Variants in PIGK observed in about 807,000 individuals in gnomAD.
The protein encoded by PIGK is GPI-anchor transamidase.
A neutral mutation model predicts 50.6 loss-of-function variants in PIGK; 42 were observed. The ratio of observed to expected loss-of-function variants is 0.83; its 90% confidence interval spans 0.65 to 1.07. The LOEUF (loss-of-function observed/expected upper bound fraction) is 1.07, where lower values mean the gene tolerates loss of function less well. Among genes scored for constraint, PIGK ranks in the 50% least tolerant of loss-of-function variants. The pLI is 0.00. For synonymous variants in PIGK, 151 were observed against 156.0 expected (o/e 0.97, Z 0.24); for missense variants, 448 against 488.7 (o/e 0.92, Z 0.78).
intron 10 of PIGK, among the ~76,000 whole-genome samples, chr1:77,113,483 A>T (rs1653898811): frequency 6.6e-6 from 1 of 152,104 alleles, no homozygotes; most frequent in Non-Finnish European, 1.5e-5. Context: ...AGGTCCACTC[A>T]TAAGTTAATG....
chr1:77,215,369 G>A (rs1346882425), intron 1 of PIGK, among the ~76,000 whole-genome samples: 1 of 152,056 alleles, frequency 6.6e-6, no homozygotes, highest in East Asian at 1.9e-4. Flanking sequence ...AAACCACAAT[G>A]AGATATCATC....
intron 5 of PIGK, among the ~76,000 whole-genome samples, chr1:77,165,030 G>A (rs1233368821): frequency 6.6e-6 from 1 of 152,046 alleles, no homozygotes; most frequent in Non-Finnish European, 1.5e-5. Context: ...ACTCTGCTGT[G>A]GTAGTATGGA....
At chr1:77,161,240 T>G in intron 8 of PIGK, 55 bp downstream of exon 8, 2 of 858,966 alleles carry the variant, frequency 2.3e-6, no homozygotes, top group Non-Finnish European at 4.0e-6. Context: ...TACACTTCTT[T>G]TCACATTAAG....
chr1:77,211,303 C>T (rs965234236), intron 1 of PIGK, among the ~76,000 whole-genome samples: 32 of 151,562 alleles, frequency 2.1e-4, no homozygotes, highest in African/African-American at 7.5e-4. Context: ...CCTTTACTCT[C>T]GGTGAACAAA....
intron 3 of PIGK, among the ~76,000 whole-genome samples, chr1:77,171,784 A>C (rs941644581): frequency 2.6e-5 from 4 of 152,164 alleles, no homozygotes; most frequent in African/African-American, 9.6e-5. Context: ...AAACTTAAGA[A>C]ATGTACAGAA....
chr1:77,148,985 G>A (rs1191800001), intron 9 of PIGK, among the ~76,000 whole-genome samples: 1 of 152,050 alleles, frequency 6.6e-6, no homozygotes. Context: ...AAAGTGCTGG[G>A]ATTACAGGCG....
chr1:77,148,410 A>G (rs989885067), intron 9 of PIGK, among the ~76,000 whole-genome samples: 1 of 152,178 alleles, frequency 6.6e-6, no homozygotes, highest in African/African-American at 2.4e-5. Context: ...CTAATTCAAC[A>G]GTGCTTGATA....
intron 5 of PIGK, 54 bp from the exon 6 acceptor site, chr1:77,163,996 T>C (rs763375934): frequency 1.2e-5 from 11 of 900,262 alleles, no homozygotes; most frequent in Middle Eastern, 4.5e-4. Context: ...ACTGCATATA[T>C]CTAGATATAT....
chr1:77,094,808 A>G (rs1396954013), intron 10 of PIGK, among the ~76,000 whole-genome samples: 1 of 152,122 alleles, frequency 6.6e-6, no homozygotes, highest in Non-Finnish European at 1.5e-5. Flanking sequence ...TTCTGGAGGC[A>G]CTTCATTCTG....
At chr1:77,154,232 C>G (rs1654956461) in intron 9 of PIGK, 1 of 522,488 alleles carries the variant, frequency 1.9e-6, no homozygotes, top group Non-Finnish European at 3.3e-6. Flanking sequence ...TCTTTTGGAG[C>G]TCCAACATAA....
intron 10 of PIGK, among the ~76,000 whole-genome samples, chr1:77,116,562 C>CTGTGTGTGTGTGTGTGTG (rs763119489): frequency 4.4e-5 from 6 of 135,090 alleles, no homozygotes; most frequent in African/African-American, 1.8e-4. Flanking sequence ...AAATGTGTCT[C>CTGTGTGTGTGTGTGTGTG]TGTGTGTGTG....
chr1:77,173,736 T>C (rs1240051000), intron 3 of PIGK, among the ~76,000 whole-genome samples: 1 of 152,240 alleles, frequency 6.6e-6, no homozygotes, highest in East Asian at 1.9e-4. Context: ...TTTAGGAATA[T>C]AACATAGGCT....
intron 3 of PIGK, among the ~76,000 whole-genome samples, chr1:77,172,870 G>A (rs1478174352): frequency 2.6e-5 from 4 of 152,144 alleles, no homozygotes; most frequent in Admixed American, 2.6e-4. Context: ...ATTGCAATGA[G>A]CCGAGATCAC....
intron 9 of PIGK, among the ~76,000 whole-genome samples, chr1:77,124,366 T>C (rs545462546): frequency 2.0e-5 from 3 of 152,248 alleles, no homozygotes; most frequent in Admixed American, 2.0e-4. Flanking sequence ...CCCAGCACTT[T>C]GGGAGGCCGA....
chr1:77,135,133 G>A (rs1424864902), intron 9 of PIGK, among the ~76,000 whole-genome samples: 4 of 151,822 alleles, frequency 2.6e-5, no homozygotes, highest in Admixed American at 6.6e-5. Context: ...TGATTATGTT[G>A]CTTACATTTT....
At chr1:77,185,567 T>G (rs550229083) in intron 3 of PIGK, among the ~76,000 whole-genome samples, 2 of 151,980 alleles carry the variant, frequency 1.3e-5, no homozygotes, top group African/African-American at 4.8e-5. Context: ...CAATGCCCAG[T>G]GGGCCTAACT....
At chr1:77,097,901 A>T (rs1014240845) in intron 10 of PIGK, among the ~76,000 whole-genome samples, 5 of 152,198 alleles carry the variant, frequency 3.3e-5, no homozygotes, top group Non-Finnish European at 7.4e-5. Flanking sequence ...ATGAATACCC[A>T]TAACATGAGA....
intron 5 of PIGK, among the ~76,000 whole-genome samples, chr1:77,164,186 A>G (rs533119142): frequency 6.6e-5 from 10 of 152,206 alleles, no homozygotes; most frequent in Non-Finnish European, 1.3e-4. Flanking sequence ...ACAGAAACCT[A>G]TATTTATGCT....
chr1:77,193,873 G>T (rs1039488803), intron 3 of PIGK, among the ~76,000 whole-genome samples: 4 of 152,082 alleles, frequency 2.6e-5, no homozygotes, highest in Admixed American at 6.5e-5. Flanking sequence ...TTCTGCACAG[G>T]AAAAGAAACC....
Sources: gnomAD v4.1 joint callset for allele counts (sites outside exome capture counted in the v4.1 genomes callset) on GRCh38, gnomAD v4.1.1 for gene constraint, MANE v1.5 for transcripts, NCBI Gene and HGNC (gene_info 2026-07-23, HGNC 2026-07-21) for gene names.